The following ANO7 variants were observed in gnomAD, a reference collection of about 807,000 sequenced individuals.
ANO7 encodes the protein anoctamin 7.
In ANO7, 114 loss-of-function variants were observed where a neutral mutation model predicts 115.8. That is an observed-to-expected ratio of 0.98 (90% CI 0.85 to 1.15). The LOEUF (loss-of-function observed/expected upper bound fraction) is 1.15, where lower values mean the gene tolerates loss of function less well. Among genes scored for constraint, ANO7 ranks in the 50% most tolerant of loss-of-function variants. ANO7 has a pLI of 0.00. For synonymous variants in ANO7, 550 were observed against 498.2 expected, an observed-to-expected ratio of 1.10 and a Z score of -1.38; for missense variants, 1,302 against 1,201.2, an observed-to-expected ratio of 1.08 and a Z score of -1.24.
Position 241,212,120 on chromosome 2 carries a change from G to C in ANO7, c.1588G>C (p.Glu530Gln), listed in dbSNP as rs746159335. The change falls in exon 16 of 25, where the codon GAG becomes CAG. Residue 530 changes from glutamate (E) to glutamine (Q), a missense_variant. Physicochemically the swap from Glu to Gln is conservative, Grantham distance 29 (BLOSUM62 2). Coordinates refer to ENST00000674324, the MANE Select transcript of ANO7 (RefSeq NM_001370694.2). ...WEMHRTQTKF[E>Q]DAFTLKVFIF... ...AATGCACCGCACCCAGACCAAGTTC[G>C]AGGACGCCTTCACCCTCAAGGTGTT... is the stretch of plus-strand genomic sequence containing the variant. The C allele has an allele frequency of 5.6e-6, 9 of 1,613,924 alleles. No homozygotes were observed. Among genetic ancestry groups the C allele is most frequent in the African/African-American group, 2.7e-5 (2 of 74,922 alleles).
intron 18 of ANO7, among the ~76,000 whole-genome samples, chr2:241,215,461 G>A (rs1482600676): frequency 6.6e-6 from 1 of 152,212 alleles, no homozygotes; most frequent in Non-Finnish European, 1.5e-5. Context: ...CTGAACACCT[G>A]ATCTGCCCCC....
At chr2:241,234,203 T>C in the ANO7 span, among the ~76,000 whole-genome samples, 49 of 152,336 alleles carry the variant, frequency 3.2e-4, no homozygotes, top group African/African-American at 1.2e-3. Flanking sequence ...AAAGAGGGCT[T>C]GGGACCACTT....
chr2:241,239,739 C>T, the ANO7 span: 3 of 1,614,196 alleles, frequency 1.9e-6, no homozygotes, highest in Non-Finnish European at 2.5e-6. The surrounding 1 kb of genome is among the most constrained non-coding windows in gnomAD (Gnocchi z 4.6). Context: ...TCAGCAATCT[C>T]CCGCAAGACC....
In ANO7 at chr2:241,217,869, C is replaced by A; in HGVS notation, c.2156C>A (p.Thr719Lys). ...GIWFHILAGL[T>K]HLAVISNAFL... ...TGGTTCCACATCCTGGCGGGCCTCA[C>A]GCACCTGGCGGTCATCAGCAACGTG... The change falls in exon 20 of 25, where the codon ACG becomes AAG. Residue 719 changes from threonine to lysine, a missense_variant. Transcript: ENST00000674324. 1 of 1,595,432 alleles carries A rather than the reference C, an allele frequency of 6.3e-7. No homozygotes were observed. Among genetic ancestry groups the A allele is most frequent in the Non-Finnish European group, 8.5e-7 (1 of 1,175,366 alleles).
In ANO7 at chr2:241,202,217, C is replaced by A; in HGVS notation, c.636C>A (p.Thr212=). The A allele has an allele frequency of 6.2e-7, 1 of 1,613,848 alleles. No homozygotes were observed. Among genetic ancestry groups the A allele is most frequent in the Non-Finnish European group, 8.5e-7 (1 of 1,179,960 alleles). ...AGCTGTTTGAGATCCTGGCCAAGAC[C>A]CCGTATGGCCACGAGAAGAAAAACC... ...HQILFEILAK[T]PYGHEKKNLL... is the part of the protein sequence containing the mutation. The change falls in exon 8 of 25, where the codon ACC becomes ACA. Residue 212 remains threonine (T), a synonymous_variant. Coordinates refer to ENST00000674324, the MANE Select transcript of ANO7 (RefSeq NM_001370694.2).
At chr2:241,219,391 ATACT>A (rs1271697913) in intron 21 of ANO7, among the ~76,000 whole-genome samples, 3 of 152,010 alleles carry the variant, frequency 2.0e-5, no homozygotes, top group South Asian at 2.1e-4. Context: ...TTCATAATGG[ATACT>A]TACTTTTTCC....
chr2:241,203,286 T>C lies in ANO7; in HGVS notation c.724-47T>C. On this transcript the variant is annotated intron_variant, in intron 8 of 24. Coordinates refer to ENST00000674324, the MANE Select transcript of ANO7 (RefSeq NM_001370694.2). This position sits in a 1 kb window ranked among gnomAD's most constrained non-coding sequence, Gnocchi z 4.8. The stretch of plus-strand genomic sequence containing the variant: ...CCCCTGCACCTACAACAGTGCCCAG[T>C]GGGGTCAGCTGGGGGAGCCTCCCAC... The C allele has an allele frequency of 1.4e-6, 2 of 1,440,120 alleles. No individual in the cohort carries two copies. The highest frequency in any genetic ancestry group is 1.8e-6 in the Non-Finnish European group (2 of 1,087,428). 89.2% of individuals were successfully genotyped at this position (1,440,120 alleles called of 1,614,324 possible). A position where few individuals can be genotyped will look rare whatever the true frequency, so the allele number is the denominator to read the frequency against.
At chr2:241,200,012 T>G in intron 5 of ANO7, 77 bp from the exon 6 acceptor site, 19 of 1,562,940 alleles carry the variant, frequency 1.2e-5, no homozygotes, top group Non-Finnish European at 1.6e-5. Flanking sequence ...ATTTGCAAAC[T>G]TGCACAACCT....
At chr2:241,210,088 C>T (rs2068685445) in intron 13 of ANO7, among the ~76,000 whole-genome samples, 1 of 152,228 alleles carries the variant, frequency 6.6e-6, no homozygotes, top group African/African-American at 2.4e-5. Flanking sequence ...CAGCCTCTAA[C>T]TCTAACCCCA....
Position 241,190,037 on chromosome 2 carries a change from C to T in ANO7, c.-7-20C>T. 6.4e-7 allele frequency: 1 copy of T among 1,552,234 alleles called. No homozygotes were observed. The highest frequency in any genetic ancestry group is 8.7e-7 in the Non-Finnish European group (1 of 1,147,238). ...ATCCCCTCTCTGACCCCCATCCCCA[C>T]CCGGCCTTGCTGGGTGCAGGAGCAG... is the stretch of plus-strand genomic sequence containing the variant. On this transcript the variant is annotated intron_variant, in intron 1 of 24. Coordinates refer to ENST00000674324, the MANE Select transcript of ANO7 (RefSeq NM_001370694.2).
Position 241,190,148 on chromosome 2 carries a change from G to T in ANO7, c.85G>T (p.Gly29Trp). ...PPEAEKRGSY[G>W]STAHASEPGG... ...TGAGGCAGAGAAGAGGGGCTCTTAC[G>T]GGAGCACAGCCCACGCCTCGGAGGT... is the stretch of plus-strand genomic sequence containing the variant. The change falls in exon 2 of 25, where the codon GGG becomes TGG. Residue 29 changes from glycine to tryptophan, a missense_variant. Physicochemically the swap from Gly to Trp is radical, Grantham distance 184. Coordinates refer to ENST00000674324, the MANE Select transcript of ANO7 (RefSeq NM_001370694.2). The T allele has an allele frequency of 6.4e-7, 1 of 1,570,698 alleles. No individual in the cohort carries two copies.
rs1348003496 is a variant in ANO7, at chr2:241,209,147, TC to T, written c.1078-137del. ...CTGGGTGACAGAGCCAGACTCCGTC[TC>T]AAGCAAACAAACAAAAAATACACAG... On this transcript the variant is annotated intron_variant, in intron 11 of 24. Coordinates refer to ENST00000674324, the MANE Select transcript of ANO7 (RefSeq NM_001370694.2). 6.3e-6 allele frequency: 7 copies of T among 1,117,214 alleles called. No homozygotes were observed. The Admixed American group carries it at 2.0e-4, about 32-fold the overall frequency. 69.2% of individuals were successfully genotyped at this position (1,117,214 alleles called of 1,614,324 possible).
chr2:241,190,676 G>A (rs1479659688), intron 2 of ANO7, among the ~76,000 whole-genome samples: 1 of 152,228 alleles, frequency 6.6e-6, no homozygotes, highest in Non-Finnish European at 1.5e-5. Flanking sequence ...CCAGCAGCCT[G>A]CGGGTGGACA....
downstream of ANO7, chr2:241,228,337 T>A (rs561396700): frequency 6.6e-6 from 1 of 152,334 alleles, no homozygotes; most frequent in South Asian, 2.1e-4. Flanking sequence ...GAGAGCAGGG[T>A]CTCTCGGCAT....
chr2:241,204,764 C>A, intron 9 of ANO7, 101 bp from the exon 10 acceptor site: 1 of 830,674 alleles, frequency 1.2e-6, no homozygotes, highest in Non-Finnish European at 1.9e-6. Context: ...CCAAGCTGGG[C>A]TGAGGGTGGT....
At chr2:241,212,241 C>G (rs2068733960) in intron 16 of ANO7, 36 bp downstream of exon 16, 8 of 1,555,050 alleles carry the variant, frequency 5.1e-6, no homozygotes, top group Non-Finnish European at 7.1e-6. Flanking sequence ...CACAGCTTGT[C>G]CCGGCTTAGT....
downstream of ANO7, chr2:241,229,994 C>G (rs1211401061): frequency 1.9e-6 from 3 of 1,575,436 alleles, no homozygotes; most frequent in South Asian, 1.2e-5. Context: ...CAGGGTCAGT[C>G]TGCCCAGCAC....
chr2:241,201,221 G>A, intron 6 of ANO7, 77 bp from the exon 7 acceptor site: 1 of 1,475,330 alleles, frequency 6.8e-7, no homozygotes, highest in Non-Finnish European at 8.8e-7. Flanking sequence ...CATGCCCGCA[G>A]CTTCCTCCAA....
Position 241,188,724 on chromosome 2 carries a change from G to A in ANO7, c.-50G>A. ...CGAGACCAGGCTCACGCTGAGAGGT[G>A]GGCCATGACCTCCGAGACCTCTTCC... On this transcript the variant is annotated 5_prime_UTR_variant, in exon 1 of 25. Transcript: ENST00000674324. The surrounding 1 kb of genome is among the most constrained non-coding windows in gnomAD (Gnocchi z 4.3). 5 of 1,613,626 alleles carry A rather than the reference G, an allele frequency of 3.1e-6. No homozygotes were observed. The highest frequency in any genetic ancestry group is 4.2e-6 in the Non-Finnish European group (5 of 1,179,920).
Sources: allele counts gnomAD v4.1 joint callset (sites outside exome capture counted in the v4.1 genomes callset), GRCh38; gene constraint gnomAD v4.1.1; non-coding constraint Gnocchi (gnomAD v3.1); transcripts MANE v1.5; gene names NCBI Gene and HGNC (gene_info 2026-07-23, HGNC 2026-07-21).